Variants in GPR173 observed in about 807,000 individuals in gnomAD.
The protein encoded by GPR173 is G protein-coupled receptor 173.
GPR173 carries 2 observed loss-of-function variants against 13.9 expected under a neutral mutation model. The ratio of observed to expected loss-of-function variants is 0.14; its 90% CI spans 0.06 to 0.45. The LOEUF is 0.45. GPR173 is among the 20% of genes least tolerant of loss of function. The probability of loss-of-function intolerance (pLI) is 0.98; values close to 1 mark genes in which losing one functional copy is unlikely to be tolerated. For missense variants in GPR173, 202 were observed against 340.5 expected (o/e 0.59, Z 3.20); for synonymous variants, 131 against 141.0 (o/e 0.93, Z 0.50).
chrX:53,050,840 A>T (rs1931947288), intron 1 of GPR173, among the ~76,000 whole-genome samples: 1 of 111,578 alleles, frequency 9.0e-6, no homozygotes, highest in African/African-American at 3.3e-5. Flanking sequence ...TTTGTAGAGA[A>T]TGATAAGTGG....
At chrX:53,060,027 T>TACACAC (rs200378942) in intron 1 of GPR173, among the ~76,000 whole-genome samples, 5,268 of 101,298 alleles carry the variant, frequency 0.052, 230 homozygotes, top group African/African-American at 0.14. Flanking sequence ...TATATATATA[T>TACACAC]ATATACACAC....
rs1367173150 is a variant in GPR173 at position 53,079,275 on chromosome X, C to T, written c.*1532C>T. 8.2e-6 allele frequency: 1 copy of T among 122,338 alleles called. No individual in the cohort carries two copies. The highest frequency in any genetic ancestry group is 1.9e-5 in the Non-Finnish European group (1 of 53,005). The allele number at this position is 122,338 out of a possible 1,213,427, so 10.1% of individuals were successfully genotyped here. The stretch of plus-strand genomic sequence containing the variant: ...AAGAGAGCCCCAGAACTGGGGAAGC[C>T]TGACCCATACAGAATGGGGAGGGCA... On this transcript the variant is annotated 3_prime_UTR_variant, in exon 2 of 2. Coordinates refer to ENST00000332582, the MANE Select transcript of GPR173 (RefSeq NM_018969.6).
At chrX:53,055,602 G>A (rs1932021641) in intron 1 of GPR173, among the ~76,000 whole-genome samples, 1 of 109,977 alleles carries the variant, frequency 9.1e-6, no homozygotes. Context: ...TGGAGTGTGG[G>A]TGCTTGTGGG....
chrX:53,076,283 TTCTC>T (rs1932430100), intron 1 of GPR173, among the ~76,000 whole-genome samples: 2 of 109,956 alleles, frequency 1.8e-5, no homozygotes, highest in South Asian at 8.1e-4. Context: ...TCTCCCCTCT[TTCTC>T]TCTCCTCGCT....
intron 1 of GPR173, among the ~76,000 whole-genome samples, chrX:53,051,327 AG>A (rs1426762805): frequency 9.1e-6 from 1 of 109,778 alleles, no homozygotes; most frequent in Non-Finnish European, 1.9e-5. Flanking sequence ...GGGGGCAGGG[AG>A]GGGGGCTTTG....
chrX:53,073,977 A>AGG (rs1932328074), intron 1 of GPR173, among the ~76,000 whole-genome samples: 1 of 34,583 alleles, frequency 2.9e-5, no homozygotes, highest in African/African-American at 2.5e-4. Context: ...ATATATTTAT[A>AGG]TTTATATATA....
In GPR173 at chrX:53,078,610, A is replaced by T. The variant is rs1932479979; in HGVS notation, c.*867A>T. 1 of 122,704 alleles carries T rather than the reference A, an allele frequency of 8.1e-6. No individual in the cohort carries two copies. The highest frequency in any genetic ancestry group is 1.9e-5 in the Non-Finnish European group (1 of 53,154). The allele number at this position is 122,704 out of a possible 1,213,427, so 10.1% of individuals were successfully genotyped here. A position where few individuals can be genotyped will look rare whatever the true frequency, so the allele number is the denominator to read the frequency against. ...CCCAACTCTTCTTCCTGAGGATGGA[A>T]ATCCACTCCAGCCCCACTAGGACTG... On this transcript the variant is annotated 3_prime_UTR_variant, in exon 2 of 2. Transcript: ENST00000332582.
At chrX:53,074,896 G>T (rs1005108835) in intron 1 of GPR173, among the ~76,000 whole-genome samples, 2 of 102,692 alleles carry the variant, frequency 1.9e-5, no homozygotes, top group South Asian at 8.4e-4. Context: ...CTGGATTGCT[G>T]CAGGGGCCTC....
At chrX:53,060,937 C>CT (rs1932116602) in intron 1 of GPR173, among the ~76,000 whole-genome samples, 1 of 61,304 alleles carries the variant, frequency 1.6e-5, no homozygotes, top group Non-Finnish European at 3.2e-5. Context: ...TGTACAGACA[C>CT]TTCCAGAGGA....
At chrX:53,074,773 T>C (rs1398706759) in intron 1 of GPR173, among the ~76,000 whole-genome samples, 2 of 96,327 alleles carry the variant, frequency 2.1e-5, no homozygotes, top group Admixed American at 1.3e-4. Flanking sequence ...ATAATTTATA[T>C]ATAAATTTTT....
At chrX:53,054,125 G>C (rs1342488554) in intron 1 of GPR173, among the ~76,000 whole-genome samples, 2 of 103,308 alleles carry the variant, frequency 1.9e-5, no homozygotes, top group Non-Finnish European at 3.9e-5. Flanking sequence ...AAAAGTGAAA[G>C]TATCTTAATA....
At chrX:53,069,384 C>T (rs1932229362) in intron 1 of GPR173, among the ~76,000 whole-genome samples, 1 of 111,804 alleles carries the variant, frequency 8.9e-6, no homozygotes, top group Admixed American at 9.5e-5. Flanking sequence ...ATCATACTAT[C>T]TGGAATGTTT....
intron 1 of GPR173, among the ~76,000 whole-genome samples, chrX:53,063,582 C>T (rs782108851): frequency 3.6e-5 from 4 of 111,872 alleles, no homozygotes; most frequent in Non-Finnish European, 7.5e-5. Context: ...TCTTTCTGTT[C>T]TGCTTCTCTT....
intron 1 of GPR173, among the ~76,000 whole-genome samples, chrX:53,074,775 TA>T (rs1313899920): frequency 3.1e-5 from 3 of 96,417 alleles, no homozygotes; most frequent in Admixed American, 1.3e-4. Context: ...AATTTATATA[TA>T]AATTTTTATA....
intron 1 of GPR173, among the ~76,000 whole-genome samples, chrX:53,051,157 G>A (rs113750501): frequency 3.0e-4 from 33 of 111,359 alleles, no homozygotes; most frequent in South Asian, 1.1e-3. Context: ...TGAGGGACGC[G>A]TCCCAGGGAG....
rs1360933884 is a variant in GPR173, at chrX:53,048,911, C to T, written c.-671C>T. ...GGAGCGGGGTGAGCCTGGATGAGAGCCCCCCCAACCTGGGGCTCTCCCAGG... is the reference window on the plus strand; with the variant it reads ...GGAGCGGGGTGAGCCTGGATGAGAGTCCCCCCAACCTGGGGCTCTCCCAGG... On this transcript the variant is annotated 5_prime_UTR_variant, in exon 1 of 2. Transcript: ENST00000332582. 7.2e-5 allele frequency among the ~76,000 whole-genome samples: 8 copies of T among 110,812 alleles called. No homozygotes were observed. Among genetic ancestry groups the T allele is most frequent in the Non-Finnish European group, 1.5e-4 (8 of 52,524 alleles).
At position 53,055,923 on chromosome X, in the gene GPR173, T is replaced by C. The variant is rs1191736581; in HGVS notation, c.-98+6439T>C. The stretch of plus-strand genomic sequence containing the variant: ...GTGTGTGTGTGTGTGTGTATGGGTA[T>C]GAGAATGATGTGTGTGTCTGTGTGT... On this transcript the variant is annotated intron_variant, in intron 1 of 1. Transcript: ENST00000332582. 3.7e-5 allele frequency among the ~76,000 whole-genome samples: 4 copies of C among 107,236 alleles called. No individual in the cohort carries two copies. In the Admixed American group the frequency reaches 4.1e-4, roughly 11 times the overall value. 93.1% of individuals were successfully genotyped at this position (107,236 alleles called of 115,157 possible).
chrX:53,073,810 T>A (rs1932305170), intron 1 of GPR173, among the ~76,000 whole-genome samples: 2 of 74,121 alleles, frequency 2.7e-5, no homozygotes, highest in African/African-American at 5.1e-5. Context: ...ATTTAAAAAA[T>A]TTTATATATA....
chrX:53,071,342 G>T (rs1932254755), intron 1 of GPR173, among the ~76,000 whole-genome samples: 1 of 112,080 alleles, frequency 8.9e-6, no homozygotes, highest in South Asian at 3.6e-4. Flanking sequence ...GGACGTGCAG[G>T]AAAATGACAG....
Sources: allele counts gnomAD v4.1 joint callset (sites outside exome capture counted in the v4.1 genomes callset), GRCh38; gene constraint gnomAD v4.1.1; transcripts MANE v1.5; gene names NCBI Gene and HGNC (gene_info 2026-07-23, HGNC 2026-07-21).